The following C3orf49 variants were observed in gnomAD, a reference collection of about 807,000 sequenced individuals.
C3orf49 encodes chromosome 3 open reading frame 49, also known as putative uncharacterized protein C3orf49.
In C3orf49, 27 loss-of-function variants were observed where a neutral mutation model predicts 13.3. The observed-to-expected ratio is 2.02, with a 90% confidence interval of 1.49 to 2.79. C3orf49 has a LOEUF of 2.79. Ranked by LOEUF, C3orf49 falls within the 30% of genes most tolerant of loss-of-function variation. The probability of loss-of-function intolerance (pLI) is 0.00; values close to 1 mark genes in which losing one functional copy is unlikely to be tolerated. For missense variants in C3orf49, 242 were observed against 134.2 expected (o/e 1.80, Z -3.97); for synonymous variants, 87 against 47.6 (o/e 1.83, Z -3.40).
chr3:63,846,849 C>T (rs1027620920), intron 6 of C3orf49, among the ~76,000 whole-genome samples: 1 of 152,102 alleles, frequency 6.6e-6, no homozygotes, highest in Non-Finnish European at 1.5e-5. Flanking sequence ...CAACAAGTCC[C>T]GTCCGATCTA....
chr3:63,835,410 G>A (rs1028641495), intron 5 of C3orf49: 15 of 1,610,756 alleles, frequency 9.3e-6, no homozygotes, highest in Admixed American at 1.7e-5. Context: ...ATAAAACAGT[G>A]TTACATTTTG....
At chr3:63,808,354 T>G in the C3orf49 span, among the ~76,000 whole-genome samples, 1 of 152,226 alleles carries the variant, frequency 6.6e-6, no homozygotes, top group Admixed American at 6.5e-5. Context: ...TGATGTTATT[T>G]CATACAACTT....
chr3:63,824,836 CAA>C (rs34464702), intron 2 of C3orf49, among the ~76,000 whole-genome samples: 7 of 107,872 alleles, frequency 6.5e-5, no homozygotes, highest in Non-Finnish European at 9.1e-5. Flanking sequence ...GACCCTGTCT[CAA>C]AAAAAAAAAA....
intron 5 of C3orf49, 61 bp from the exon 6 acceptor site, chr3:63,844,962 T>C (rs1248914335): frequency 3.1e-6 from 2 of 644,878 alleles, no homozygotes; most frequent in Non-Finnish European, 5.7e-6. Context: ...TGCCCAAGTC[T>C]AGAATCATAA....
chr3:63,800,470 TATAATA>T, the C3orf49 span, among the ~76,000 whole-genome samples: 1 of 151,646 alleles, frequency 6.6e-6, no homozygotes, highest in Admixed American at 6.6e-5. Flanking sequence ...CCATTAAACC[TATAATA>T]ATAATAATAA....
the C3orf49 span, chr3:63,782,811 T>C: frequency 6.6e-6 from 1 of 152,236 alleles, no homozygotes; most frequent in Non-Finnish European, 1.5e-5. Context: ...CTTAGCATGT[T>C]ATAGCAAACA....
chr3:63,830,398 T>C (rs1433338817), intron 3 of C3orf49, among the ~76,000 whole-genome samples: 1 of 152,186 alleles, frequency 6.6e-6, no homozygotes, highest in Admixed American at 6.5e-5. Context: ...TTCAGCAGAC[T>C]CCATTTGTAA....
chr3:63,811,285 G>C, the C3orf49 span, among the ~76,000 whole-genome samples: 1 of 149,034 alleles, frequency 6.7e-6, no homozygotes, highest in African/African-American at 2.5e-5. Flanking sequence ...ACGGCCAGGC[G>C]AGGTGCCTCG....
chr3:63,816,392 A>G (rs1459595586), upstream of C3orf49, among the ~76,000 whole-genome samples: 11 of 152,018 alleles, frequency 7.2e-5, no homozygotes, highest in Admixed American at 7.2e-4. Flanking sequence ...GGAGTTCCAG[A>G]CCAGCCTGAG....
At chr3:63,790,274 A>G in the C3orf49 span, among the ~76,000 whole-genome samples, 5 of 152,194 alleles carry the variant, frequency 3.3e-5, no homozygotes, top group Non-Finnish European at 7.3e-5. Context: ...GTAGCAGCCA[A>G]GACATCTGAA....
chr3:63,844,505 A>G (rs1315738283), intron 5 of C3orf49, among the ~76,000 whole-genome samples: 1 of 152,232 alleles, frequency 6.6e-6, no homozygotes, highest in Non-Finnish European at 1.5e-5. Context: ...AAATAAATAC[A>G]TAAAAAAGAA....
the C3orf49 span, among the ~76,000 whole-genome samples, chr3:63,793,386 G>A: frequency 6.6e-6 from 1 of 151,988 alleles, no homozygotes; most frequent in East Asian, 1.9e-4. Flanking sequence ...CAAAAATTTA[G>A]TCTCTCATCA....
chr3:63,816,836 G>A (rs577872110), upstream of C3orf49, among the ~76,000 whole-genome samples: 15 of 139,978 alleles, frequency 1.1e-4, no homozygotes, highest in East Asian at 1.3e-3. Context: ...GCAGTGGCGC[G>A]ATCTCGGCTC....
intron 1 of C3orf49, among the ~76,000 whole-genome samples, chr3:63,822,049 C>G (rs1701402388): frequency 6.6e-6 from 1 of 151,968 alleles, no homozygotes; most frequent in Non-Finnish European, 1.5e-5. Flanking sequence ...GATCTCGGCT[C>G]ACTGCAAGCT....
the C3orf49 span, among the ~76,000 whole-genome samples, chr3:63,795,860 T>C: frequency 1.3e-5 from 2 of 152,124 alleles, no homozygotes; most frequent in African/African-American, 2.4e-5. Context: ...ACAATCTTGA[T>C]CCCTCTCTTT....
intron 2 of C3orf49, among the ~76,000 whole-genome samples, chr3:63,824,717 G>A (rs1288745864): frequency 6.6e-6 from 1 of 151,764 alleles, no homozygotes; most frequent in Non-Finnish European, 1.5e-5. Context: ...GCATGTGCCC[G>A]TAGTCCCTAC....
chr3:63,790,630 A>G, the C3orf49 span, among the ~76,000 whole-genome samples: 2 of 146,032 alleles, frequency 1.4e-5, no homozygotes, highest in African/African-American at 5.1e-5. Flanking sequence ...ACCTCAATGC[A>G]GTAATCTATT....
the C3orf49 span, among the ~76,000 whole-genome samples, chr3:63,810,975 T>G: frequency 6.6e-6 from 1 of 152,042 alleles, no homozygotes; most frequent in Non-Finnish European, 1.5e-5. Flanking sequence ...GCCTTCCGAG[T>G]AGCTGGAATT....
intron 2 of C3orf49, among the ~76,000 whole-genome samples, chr3:63,826,084 T>A (rs1314745868): frequency 6.6e-6 from 1 of 152,048 alleles, no homozygotes; most frequent in Non-Finnish European, 1.5e-5. Flanking sequence ...CCAGTGGAGG[T>A]TGGAACACAG....
Sources: allele counts gnomAD v4.1 joint callset (sites outside exome capture counted in the v4.1 genomes callset), GRCh38; gene constraint gnomAD v4.1.1; transcripts MANE v1.5; gene names NCBI Gene and HGNC (gene_info 2026-07-23, HGNC 2026-07-21).